Variants in CCDC201 observed in about 807,000 individuals in gnomAD.
The protein encoded by CCDC201 is coiled-coil domain containing 201, also known as coiled-coil domain-containing protein 201.
chr7:45,870,362 C>G (rs1409728598), intron 1 of CCDC201, among the ~76,000 whole-genome samples: 1 of 152,106 alleles, frequency 6.6e-6, no homozygotes, highest in Non-Finnish European at 1.5e-5. Context: ...TTAATAAAGG[C>G]AAACAATAAA....
chr7:45,863,474 A>G (rs187287757), intron 2 of CCDC201, among the ~76,000 whole-genome samples: 10 of 152,330 alleles, frequency 6.6e-5, no homozygotes, highest in Admixed American at 1.3e-4. Flanking sequence ...AGGGGCAGAC[A>G]GGCTGCGAGC....
rs28436167 is a variant in CCDC201 at position 45,867,814 on chromosome 7, C to A, written c.19-1320G>T. On this transcript the variant is annotated intron_variant, in intron 1 of 2. Transcript: ENST00000636578. ...TGCTAAATTATTGTATGCATTTGTA[C>A]ACAGAGAGGATTATCTGGTAGTTAA... 1.4e-4 allele frequency among the ~76,000 whole-genome samples: 22 copies of A among 152,304 alleles called. No homozygotes were observed. In the South Asian group the frequency reaches 4.1e-3, roughly 29 times the overall value.
At chr7:45,884,182 C>A in the CCDC201 span, among the ~76,000 whole-genome samples, 1 of 151,982 alleles carries the variant, frequency 6.6e-6, no homozygotes, top group African/African-American at 2.4e-5. Flanking sequence ...CTCACTGTAG[C>A]CTCAAACTCC....
intron 1 of CCDC201, among the ~76,000 whole-genome samples, chr7:45,867,842 T>C (rs1358643528): frequency 6.6e-6 from 1 of 152,202 alleles, no homozygotes; most frequent in African/African-American, 2.4e-5. Context: ...GTAGTTAATT[T>C]TGGGGGAGGC....
At chr7:45,869,034 T>C (rs541364535) in intron 1 of CCDC201, among the ~76,000 whole-genome samples, 1 of 152,222 alleles carries the variant, frequency 6.6e-6, no homozygotes, top group African/African-American at 2.4e-5. Context: ...TAATACACAT[T>C]GTTACATAGT....
At chr7:45,868,042 T>G (rs1276611571) in intron 1 of CCDC201, among the ~76,000 whole-genome samples, 1 of 152,244 alleles carries the variant, frequency 6.6e-6, no homozygotes, top group Non-Finnish European at 1.5e-5. Flanking sequence ...AACAGACATC[T>G]GTAATTGTAA....
chr7:45,869,423 T>C (rs1786717213), intron 1 of CCDC201, among the ~76,000 whole-genome samples: 1 of 152,314 alleles, frequency 6.6e-6, no homozygotes, highest in Non-Finnish European at 1.5e-5. Flanking sequence ...AACCAAGGCT[T>C]ACCCAGGAGC....
At chr7:45,881,813 C>T in the CCDC201 span, among the ~76,000 whole-genome samples, 11 of 152,266 alleles carry the variant, frequency 7.2e-5, no homozygotes, top group East Asian at 1.9e-3. Context: ...TGGGCTTTGG[C>T]CTGGACACAT....
At chr7:45,875,779 ATG>A (rs10577484), upstream of CCDC201, among the ~76,000 whole-genome samples, 79,468 of 151,856 alleles carry the variant, frequency 0.52, 21,071 homozygotes, top group East Asian at 0.63. Context: ...TCCCTGCACT[ATG>A]TGCCACCTGG....
chr7:45,879,036 T>C, the CCDC201 span, among the ~76,000 whole-genome samples: 1 of 152,186 alleles, frequency 6.6e-6, no homozygotes, highest in Non-Finnish European at 1.5e-5. Context: ...TTAAATCATC[T>C]CTCTCAAGTT....
chr7:45,873,519 A>G (rs1272617269), upstream of CCDC201, among the ~76,000 whole-genome samples: 1 of 151,904 alleles, frequency 6.6e-6, no homozygotes, highest in Non-Finnish European at 1.5e-5. Flanking sequence ...GCTGCTCAGA[A>G]CCTCCTGGAG....
At chr7:45,864,376 C>T (rs1786639947) in intron 2 of CCDC201, among the ~76,000 whole-genome samples, 1 of 152,206 alleles carries the variant, frequency 6.6e-6, no homozygotes, top group Non-Finnish European at 1.5e-5. Flanking sequence ...TCCCTTCTCA[C>T]CTTCAGCTCC....
the CCDC201 span, among the ~76,000 whole-genome samples, chr7:45,881,699 C>G: frequency 6.6e-6 from 1 of 152,178 alleles, no homozygotes; most frequent in Admixed American, 6.5e-5. Flanking sequence ...GATACCTGCC[C>G]TCTTTCACCC....
chr7:45,863,313 T>C (rs1239877575), intron 2 of CCDC201, 142 bp from the exon 3 acceptor site: 2 of 152,252 alleles, frequency 1.3e-5, no homozygotes, highest in Middle Eastern at 3.2e-3. Context: ...ATTCTGCCTG[T>C]GTGCTTCAAA....
chr7:45,877,815 T>G (rs944630155), upstream of CCDC201, among the ~76,000 whole-genome samples: 2 of 152,166 alleles, frequency 1.3e-5, no homozygotes, highest in Non-Finnish European at 2.9e-5. Flanking sequence ...CTTCTCACAT[T>G]GCAAAATACA....
At chr7:45,875,232 C>T (rs559858219), upstream of CCDC201, among the ~76,000 whole-genome samples, 8 of 152,208 alleles carry the variant, frequency 5.3e-5, 1 homozygote, top group South Asian at 8.3e-4. Context: ...CAGTGGCTCA[C>T]GCCTGTAATC....
At chr7:45,869,665 A>G (rs770253798) in intron 1 of CCDC201, among the ~76,000 whole-genome samples, 1 of 152,216 alleles carries the variant, frequency 6.6e-6, no homozygotes, top group Non-Finnish European at 1.5e-5. Context: ...TTTACTCCAC[A>G]GCATGAGTCA....
chr7:45,865,388 G>A (rs1214198206), intron 2 of CCDC201, among the ~76,000 whole-genome samples: 5 of 152,202 alleles, frequency 3.3e-5, no homozygotes, highest in African/African-American at 9.7e-5. Context: ...TGCAAACCTG[G>A]CTATGGTGAA....
At chr7:45,867,804 T>C (rs1786694592) in intron 1 of CCDC201, among the ~76,000 whole-genome samples, 1 of 152,240 alleles carries the variant, frequency 6.6e-6, no homozygotes, top group South Asian at 2.1e-4. Flanking sequence ...AATTATTGTA[T>C]GCATTTGTAC....
Sources: gnomAD v4.1 joint callset for allele counts (sites outside exome capture counted in the v4.1 genomes callset) on GRCh38, gnomAD v4.1.1 for gene constraint, MANE v1.5 for transcripts, NCBI Gene and HGNC (gene_info 2026-07-23, HGNC 2026-07-21) for gene names.